CCDC81: variants seen among roughly 807,000 people sequenced by gnomAD.
The protein encoded by CCDC81 is coiled-coil domain containing 81, also known as coiled-coil domain-containing protein 81.
CCDC81 carries 79 observed loss-of-function variants against 83.7 expected under a neutral mutation model. That is an observed-to-expected ratio of 0.94 (90% confidence interval 0.79 to 1.14). The LOEUF is 1.14. CCDC81 is among the 50% of genes most tolerant of loss of function. The pLI is 0.00. For synonymous variants in CCDC81, 252 were observed against 278.1 expected, an observed-to-expected ratio of 0.91 and a Z score of 0.93; for missense variants, 791 against 778.1, an observed-to-expected ratio of 1.02 and a Z score of -0.20.
chr11:86,419,677 T>C (rs1202148198), intron 13 of CCDC81: 7 of 292,022 alleles, frequency 2.4e-5, no homozygotes, highest in Non-Finnish European at 3.7e-5. Context: ...CAGGTTGAAG[T>C]TGTTAACTGG....
chr11:86,421,195 A>G (rs567078086), intron 14 of CCDC81, among the ~76,000 whole-genome samples: 5 of 152,338 alleles, frequency 3.3e-5, no homozygotes, highest in Non-Finnish European at 7.4e-5. Flanking sequence ...AAGTAAAACC[A>G]AAGTCCATAT....
At chr11:86,395,997 A>G (rs551189718) in intron 5 of CCDC81, among the ~76,000 whole-genome samples, 1 of 152,260 alleles carries the variant, frequency 6.6e-6, no homozygotes, top group African/African-American at 2.4e-5. Flanking sequence ...TAGTCCCTGC[A>G]GTATTAGTAA....
At position 86,378,628 on chromosome 11, in the gene CCDC81, T is replaced by C. The variant is rs117496917; in HGVS notation, c.79+3386T>C. 5.3e-5 allele frequency among the ~76,000 whole-genome samples: 8 copies of C among 152,250 alleles called. 1 individual carries two copies. The South Asian group carries it at 6.2e-4, about 12-fold the overall frequency. ...TCTCTTCTTGCAGTTCTACTAGTTT[T>C]TGCTTAATGTAATTTGACATACTAT... On this transcript the variant is annotated intron_variant, in intron 1 of 14. Coordinates refer to ENST00000445632, the MANE Select transcript of CCDC81 (RefSeq NM_001156474.2).
Position 86,374,973 on chromosome 11 carries a change from T to G in CCDC81, c.-191T>G. 6 of 603,326 alleles carry G rather than the reference T, an allele frequency of 9.9e-6. No homozygotes were observed. Among genetic ancestry groups the G allele is most frequent in the East Asian group, 3.0e-5 (1 of 33,268 alleles). The allele number at this position is 603,326 out of a possible 1,614,324, so 37.4% of individuals were successfully genotyped here. A position where few individuals can be genotyped will look rare whatever the true frequency, so the allele number is the denominator to read the frequency against. ...AGTGGGGAGGGACGGCGAGAACCAA[T>G]GTTTAAGTTTATTTAAGAAAGAAGA... is the stretch of plus-strand genomic sequence containing the variant. On this transcript the variant is annotated 5_prime_UTR_variant, in exon 1 of 15. An upstream start codon of the reference 5' UTR is lost. Transcript: ENST00000445632.
chr11:86,400,695 A>G lies in CCDC81; in HGVS notation c.775A>G (p.Arg259Gly), dbSNP rs747583827. The change falls in exon 7 of 15, where the codon AGA (arginine) becomes GGA (glycine). Residue 259 changes from arginine (R) to glycine (G), a missense_variant. Transcript: ENST00000445632. ...EGTRDISSPK[R>G]LRDRQALFPA... ...TTCTACAGATATCTCATCACCCAAA[A>G]GACTTCGAGATAGACAAGCTTTGTT... 1.2e-6 allele frequency: 2 copies of G among 1,611,036 alleles called. No homozygotes were observed. Among genetic ancestry groups the G allele is most frequent in the South Asian group, 2.2e-5 (2 of 90,816 alleles).
At chr11:86,376,265 G>A (rs374765142) in intron 1 of CCDC81, among the ~76,000 whole-genome samples, 9 of 152,126 alleles carry the variant, frequency 5.9e-5, no homozygotes, top group Non-Finnish European at 1.0e-4. Flanking sequence ...TTTTTTTAAA[G>A]ATGATTTTTT....
intron 4 of CCDC81, 172 bp from the exon 5 acceptor site, chr11:86,395,162 A>C: frequency 5.8e-6 from 3 of 515,494 alleles, no homozygotes; most frequent in Non-Finnish European, 6.9e-6. Flanking sequence ...GATTGCTCTG[A>C]TGAATGAGAT....
At position 86,422,749 on chromosome 11, in the gene CCDC81, A is replaced by G; in HGVS notation, c.*34A>G. 1 of 1,598,530 alleles carries G rather than the reference A, an allele frequency of 6.3e-7. No homozygotes were observed. The highest frequency in any genetic ancestry group is 2.2e-5 in the East Asian group (1 of 44,574). On this transcript the variant is annotated 3_prime_UTR_variant, in exon 15 of 15. Transcript: ENST00000445632. ...GTTTGGCTCTTCGTTTCCCGGGGAA[A>G]GTTTTTATCTTTTACATGTTTGGGG...
intron 13 of CCDC81, among the ~76,000 whole-genome samples, chr11:86,418,232 TAGAAACCTTTGTGTAC>T (rs1948747233): frequency 6.6e-6 from 1 of 152,142 alleles, no homozygotes; most frequent in Non-Finnish European, 1.5e-5. Flanking sequence ...TAGTGAGAAG[TAGAAACCTTTGTGTAC>T]TGTTGGTGCA....
intron 7 of CCDC81, among the ~76,000 whole-genome samples, chr11:86,405,631 C>A (rs1319213670): frequency 1.3e-5 from 2 of 152,128 alleles, no homozygotes; most frequent in African/African-American, 4.8e-5. Context: ...CAAACTGTAT[C>A]CCCTTCCAAA....
chr11:86,375,251 G>T lies in CCDC81; in HGVS notation c.79+9G>T, dbSNP rs749007597. 5.0e-6 allele frequency: 8 copies of T among 1,606,818 alleles called. No homozygotes were observed. The highest frequency in any genetic ancestry group is 6.8e-6 in the Non-Finnish European group (8 of 1,179,078). On this transcript the variant is annotated intron_variant, in intron 1 of 14. Coordinates refer to ENST00000445632, the MANE Select transcript of CCDC81 (RefSeq NM_001156474.2). Reference sequence around the variant, plus strand: ...CTCGCTGAGCCAGGAGGGTAAGCGTGTTGGGTAGCAGGGGGTGGCCCTGGG... The same window carrying T: ...CTCGCTGAGCCAGGAGGGTAAGCGTTTTGGGTAGCAGGGGGTGGCCCTGGG...
intron 8 of CCDC81, 43 bp from the exon 9 acceptor site, chr11:86,408,084 G>C: frequency 1.9e-6 from 3 of 1,602,000 alleles, no homozygotes; most frequent in Non-Finnish European, 2.6e-6. Flanking sequence ...AAGCAAAAAG[G>C]TAAAATGTAA....
At chr11:86,404,652 T>C (rs553863622) in intron 7 of CCDC81, among the ~76,000 whole-genome samples, 6 of 152,300 alleles carry the variant, frequency 3.9e-5, no homozygotes, top group South Asian at 4.1e-4. Flanking sequence ...CTGAATATTA[T>C]AAAATACAGA....
intron 7 of CCDC81, among the ~76,000 whole-genome samples, chr11:86,401,511 C>G (rs1023187340): frequency 6.6e-6 from 1 of 152,028 alleles, no homozygotes; most frequent in African/African-American, 2.4e-5. Context: ...GTTAAAAACT[C>G]TAGGAATGCT....
chr11:86,422,493 C>G, intron 14 of CCDC81, 81 bp from the exon 15 acceptor site: 1 of 1,345,302 alleles, frequency 7.4e-7, no homozygotes, highest in Non-Finnish European at 1.0e-6. Flanking sequence ...CTTTTGTGTA[C>G]CTCCTGCCAT....
At position 86,386,092 on chromosome 11, in the gene CCDC81, C is replaced by G. The variant is rs545045634; in HGVS notation, c.121C>G (p.Arg41Gly). The G allele has an allele frequency of 1.3e-6, 2 of 1,488,738 alleles. No individual in the cohort carries two copies. Among genetic ancestry groups the G allele is most frequent in the South Asian group, 2.6e-5 (2 of 77,526 alleles). 92.2% of individuals were successfully genotyped at this position (1,488,738 alleles called of 1,614,324 possible). The change falls in exon 2 of 15, where the codon CGG becomes GGG. Residue 41 changes from arginine (R) to glycine (G), a missense_variant. By Grantham distance (125) the Arg-to-Gly change is moderately radical. Coordinates refer to ENST00000445632, the MANE Select transcript of CCDC81 (RefSeq NM_001156474.2). Reference sequence around the variant, plus strand: ...GGGGAATGTATCAGAATTTGTGAGACGGCAGTTAACCCTGCACAAGGTAAG... The same window carrying G: ...GGGGAATGTATCAGAATTTGTGAGAGGGCAGTTAACCCTGCACAAGGTAAG... ...IWGNVSEFVR[R>G]QLTLHKGVQI... is the part of the protein sequence containing the mutation.
At chr11:86,419,702 C>G (rs1458149803) in intron 13 of CCDC81, 1 of 349,524 alleles carries the variant, frequency 2.9e-6, no homozygotes, top group South Asian at 1.3e-4. Flanking sequence ...AGGTTTCAAT[C>G]CTATTAAATC....
At chr11:86,385,384 CAA>C (rs557547510) in intron 1 of CCDC81, among the ~76,000 whole-genome samples, 3 of 139,126 alleles carry the variant, frequency 2.2e-5, no homozygotes, top group Non-Finnish European at 3.1e-5. Context: ...TACCCTGTCT[CAA>C]AAAAAAAAAA....
chr11:86,415,400 CT>C (rs1341586365), intron 13 of CCDC81, 87 bp downstream of exon 13: 10 of 952,700 alleles, frequency 1.0e-5, no homozygotes, highest in Non-Finnish European at 1.6e-5. Context: ...GTCCCTGCCC[CT>C]CATCTTTCTC....
Sources: gnomAD v4.1 joint callset for allele counts (sites outside exome capture counted in the v4.1 genomes callset) on GRCh38, gnomAD v4.1.1 for gene constraint, MANE v1.5 for transcripts, NCBI Gene and HGNC (gene_info 2026-07-23, HGNC 2026-07-21) for gene names.